Variants in AHNAK2 observed in about 807,000 individuals in gnomAD.
The protein encoded by AHNAK2 is protein AHNAK2.
In AHNAK2, 18 loss-of-function variants were observed where a neutral mutation model predicts 30.7. The observed-to-expected ratio is 0.59, with a 90% confidence interval of 0.41 to 0.87. The LOEUF is 0.87. Among genes scored for constraint, AHNAK2 ranks in the 40% least tolerant of loss-of-function variants. The pLI is 0.00. For synonymous variants in AHNAK2, 3,590 were observed against 3,073.8 expected (o/e 1.17, Z -5.56); for missense variants, 8,604 against 7,373.0 (o/e 1.17, Z -6.11).
Position 104,943,323 on chromosome 14 carries a change from T to G in AHNAK2, c.12128A>C (p.Glu4043Ala), listed in dbSNP as rs1490021292. ...DVKLPEGPVP[E>A]GASLKGHLPK... The stretch of plus-strand genomic sequence containing the variant: ...CAGGTGCCCTTTGAGGCTGGCTCCC[T>G]CGGGCACGGGGCCCTCTGGGAGTTT... Residue 4043 changes from glutamate to alanine, a missense_variant, in exon 7 of 7, where the codon GAG becomes GCG. Glu to Ala is a moderately radical substitution (Grantham distance 107). Transcript: ENST00000333244. The G allele has an allele frequency of 6.2e-7, 1 of 1,612,806 alleles. No homozygotes were observed. The highest frequency in any genetic ancestry group is 1.3e-5 in the African/African-American group (1 of 74,790).
chr14:104,977,484 T>G (rs774189111), intron 1 of AHNAK2, among the ~76,000 whole-genome samples: 2 of 152,190 alleles, frequency 1.3e-5, no homozygotes, highest in Non-Finnish European at 2.9e-5. Flanking sequence ...CCACTTTCCC[T>G]TGCCCAGCAC....
At chr14:104,972,896 G>A (rs1326719445) in intron 1 of AHNAK2, among the ~76,000 whole-genome samples, 2 of 152,252 alleles carry the variant, frequency 1.3e-5, no homozygotes, top group Non-Finnish European at 2.9e-5. Context: ...CAAGGGATGG[G>A]GTCAGGCTGG....
Position 104,951,764 on chromosome 14 carries a change from C to T in AHNAK2, c.3687G>A (p.Val1229=), listed in dbSNP as rs1898727028. 7.6e-7 allele frequency: 1 copy of T among 1,311,868 alleles called. No homozygotes were observed. The highest frequency in any genetic ancestry group is 2.2e-5 in the East Asian group (1 of 44,512). 81.3% of individuals were successfully genotyped at this position (1,311,868 alleles called of 1,614,324 possible). Residue 1229 remains valine, a synonymous_variant, in exon 7 of 7, where the codon GTG becomes GTA. Transcript: ENST00000333244. ...CAGGCACGTGGCCCTCCAGGAGCTT[C>T]ACGTCCACCTGGCCAGCGTGGACCT... ...DLEVHAGQVD[V]KLLEGHVPEG... is the part of the protein sequence containing the mutation.
In AHNAK2 at chr14:104,943,284, A is replaced by G; in HGVS notation, c.12167T>C (p.Met4056Thr). The change falls in exon 7 of 7, where the codon ATG becomes ACG. Residue 4056 changes from methionine to threonine, a missense_variant. Coordinates refer to ENST00000333244, the MANE Select transcript of AHNAK2 (RefSeq NM_138420.4). ...SLKGHLPKVQ[M>T]PSFKMPKVDL... ...CACTTTGGGCATCTTGAAACTGGGC[A>G]TCTGCACCTTGGGCAGGTGCCCTTT... 7 of 1,612,150 alleles carry G rather than the reference A, an allele frequency of 4.3e-6. No homozygotes were observed. The highest frequency in any genetic ancestry group is 5.9e-6 in the Non-Finnish European group (7 of 1,179,352).
At chr14:104,969,193 G>T (rs939894239) in intron 1 of AHNAK2, among the ~76,000 whole-genome samples, 2 of 152,168 alleles carry the variant, frequency 1.3e-5, no homozygotes, top group Non-Finnish European at 2.9e-5. Flanking sequence ...CAGTCCCCTA[G>T]ACCTGGGAGC....
At chr14:104,959,430 A>T (rs1435472347) in intron 1 of AHNAK2, among the ~76,000 whole-genome samples, 1 of 152,178 alleles carries the variant, frequency 6.6e-6, no homozygotes, top group Non-Finnish European at 1.5e-5. Context: ...TCAGCCTCCC[A>T]AAGTGCTGGG....
rs1898850106 is a variant in AHNAK2 at position 104,953,230 on chromosome 14, C to G, written c.2221G>C (p.Val741Leu). The G allele has an allele frequency of 2.5e-6, 4 of 1,613,140 alleles. No homozygotes were observed. ...GGCAGGGGGCCCTCCGGAAGTTTCACATCCACTTGGCCATCCTGGACCTCC... is the reference window on the plus strand; with the variant it reads ...GGCAGGGGGCCCTCCGGAAGTTTCAGATCCACTTGGCCATCCTGGACCTCC... ...DLEVQDGQVDVKLPEGPLPEG... is the reference protein window; with the variant it reads ...DLEVQDGQVDLKLPEGPLPEG... Residue 741 changes from valine (V) to leucine (L), a missense_variant, in exon 7 of 7, where the codon GTG becomes CTG. By Grantham distance (32) the Val-to-Leu change is conservative. Coordinates refer to ENST00000333244, the MANE Select transcript of AHNAK2 (RefSeq NM_138420.4).
Position 104,941,688 on chromosome 14 carries a change from T to C in AHNAK2, c.13763A>G (p.Glu4588Gly), listed in dbSNP as rs754074042. 6.2e-7 allele frequency: 1 copy of C among 1,613,588 alleles called. No homozygotes were observed. Among genetic ancestry groups the C allele is most frequent in the South Asian group, 1.1e-5 (1 of 91,074 alleles). The change falls in exon 7 of 7, where the codon GAG becomes GGG. Residue 4588 changes from glutamate to glycine, a missense_variant. Physicochemically the swap from Glu to Gly is moderately conservative, Grantham distance 98. Transcript: ENST00000333244. ...PKAEVMAPDV[E>G]VSLPSVETDV... ...CGTCTCCACGCTGGGCAGAGACACC[T>C]CCACATCGGGGGCCATCACCTCTGC...
At position 104,943,934 on chromosome 14, in the gene AHNAK2, G is replaced by A; in HGVS notation, c.11517C>T (p.Leu3839=). The change falls in exon 7 of 7, where the codon CTC becomes CTT. Residue 3839 remains leucine, a synonymous_variant. Transcript: ENST00000333244. The part of the protein sequence containing the change: ...SAPKVEADVS[L]PSMQGDLKTT... The stretch of plus-strand genomic sequence containing the variant: ...TCTTGAGGTCCCCCTGCATGGAGGG[G>A]AGACTCACATCGGCCTCCACCTTGG... 1.9e-6 allele frequency: 3 copies of A among 1,613,160 alleles called. No homozygotes were observed. Among genetic ancestry groups the A allele is most frequent in the South Asian group, 1.1e-5 (1 of 91,052 alleles).
At position 104,939,807 on chromosome 14, in the gene AHNAK2, A is replaced by C. The variant is rs1342986885; in HGVS notation, c.15644T>G (p.Val5215Gly). The change falls in exon 7 of 7, where the codon GTG (valine) becomes GGG (glycine). Residue 5215 changes from valine (V) to glycine (G), a missense_variant. By Grantham distance (109) the Val-to-Gly change is moderately radical (BLOSUM62 -3). Coordinates refer to ENST00000333244, the MANE Select transcript of AHNAK2 (RefSeq NM_138420.4). Reference sequence around the variant, plus strand: ...TGCTGCCGGTGCCTGTGTCTGAGCCACTTCCAGCTTTCCAGCCCCGCCTCT... The same window carrying C: ...TGCTGCCGGTGCCTGTGTCTGAGCCCCTTCCAGCTTTCCAGCCCCGCCTCT... ...RDRGGAGKLE[V>G]AQTQAPAATG... 6.2e-7 allele frequency: 1 copy of C among 1,613,524 alleles called. No individual in the cohort carries two copies. Among genetic ancestry groups the C allele is most frequent in the Non-Finnish European group, 8.5e-7 (1 of 1,179,856 alleles).
Position 104,954,829 on chromosome 14 carries a change from T to C in AHNAK2, c.652-30A>G. On this transcript the variant is annotated intron_variant, in intron 6 of 6. Transcript: ENST00000333244. The surrounding 1 kb of genome is among the most constrained non-coding windows in gnomAD (Gnocchi z 4.3). The stretch of plus-strand genomic sequence containing the variant: ...AACATAGGGAGAGGGAATCTGTTGG[T>C]GCCAGTCCAAGAAGCCTGGGGCCCT... 1.9e-6 allele frequency: 3 copies of C among 1,543,022 alleles called. No individual in the cohort carries two copies. Among genetic ancestry groups the C allele is most frequent in the Non-Finnish European group, 2.6e-6 (3 of 1,147,512 alleles).
chr14:104,939,391 G>C lies in AHNAK2; in HGVS notation c.16060C>G (p.Pro5354Ala). 1 of 1,613,700 alleles carries C rather than the reference G, an allele frequency of 6.2e-7. No homozygotes were observed. Among genetic ancestry groups the C allele is most frequent in the Non-Finnish European group, 8.5e-7 (1 of 1,179,890 alleles). Reference protein sequence around the residue: ...TEKWSSQPEGPLKLKASSTDM... With the variant: ...TEKWSSQPEGALKLKASSTDM... ...GTACTTGAAGCTTTCAATTTAAGTG[G>C]ACCTTCAGGCTGGGAAGACCATTTC... Residue 5354 changes from proline (P) to alanine (A), a missense_variant, in exon 7 of 7, where the codon CCA (proline) becomes GCA (alanine). Transcript: ENST00000333244.
chr14:104,977,426 CAG>C (rs1448609682), intron 1 of AHNAK2, among the ~76,000 whole-genome samples: 1 of 152,158 alleles, frequency 6.6e-6, no homozygotes, highest in Non-Finnish European at 1.5e-5. Flanking sequence ...GCCTGCGGCT[CAG>C]AGGGAGGCTA....
chr14:104,947,449 C>T lies in AHNAK2; in HGVS notation c.8002G>A (p.Glu2668Lys), dbSNP rs371798547. The T allele has an allele frequency of 2.4e-5, 39 of 1,612,466 alleles. No individual in the cohort carries two copies. Among genetic ancestry groups the T allele is most frequent in the South Asian group, 1.8e-4 (16 of 91,016 alleles). Residue 2668 changes from glutamate (E) to lysine (K), a missense_variant, in exon 7 of 7, where the codon GAG becomes AAG. Coordinates refer to ENST00000333244, the MANE Select transcript of AHNAK2 (RefSeq NM_138420.4). The stretch of plus-strand genomic sequence containing the variant: ...AGCTCAGACACATCCACCAACGCCT[C>T]GATGGACTCGCCTGGGGCCGACACC... ...FRVSAPGESI[E>K]ALVDVSELKV...
rs1433501177 is a variant in AHNAK2, at chr14:104,952,881, T to C, written c.2570A>G (p.Asp857Gly). Residue 857 changes from aspartate (D) to glycine (G), a missense_variant, in exon 7 of 7, where the codon GAT becomes GGT. Physicochemically the swap from Asp to Gly is moderately conservative, Grantham distance 94. Transcript: ENST00000333244. ...APGKSMEDSV[D>G]VSAPKVEADV... ...GGCCTCCACCTTCGGCGCAGACACATCCACCGAGTCCTCCATGGACTTGCC... is the reference window on the plus strand; with the variant it reads ...GGCCTCCACCTTCGGCGCAGACACACCCACCGAGTCCTCCATGGACTTGCC... The C allele has an allele frequency of 1.2e-6, 2 of 1,611,476 alleles. No homozygotes were observed. Among genetic ancestry groups the C allele is most frequent in the Admixed American group, 1.7e-5 (1 of 59,846 alleles).
rs1266334508 is a variant in AHNAK2 at position 104,953,271 on chromosome 14, G to A, written c.2180C>T (p.Thr727Ile). The change falls in exon 7 of 7, where the codon ACC becomes ATC. Residue 727 changes from threonine (T) to isoleucine (I), a missense_variant. Transcript: ENST00000333244. ...DLKTTDLSVQ[T>I]PSADLEVQDG... ...CTGGACCTCCAGGTCAGCGGAAGGG[G>A]TCTGGACGCTGAGGTCAGTGGTCTT... is the stretch of plus-strand genomic sequence containing the variant. 1.9e-6 allele frequency: 3 copies of A among 1,612,892 alleles called. No homozygotes were observed. The highest frequency in any genetic ancestry group is 1.1e-5 in the South Asian group (1 of 91,042).
Position 104,947,550 on chromosome 14 carries a change from A to C in AHNAK2, c.7901T>G (p.Leu2634Arg). Residue 2634 changes from leucine (L) to arginine (R), a missense_variant, in exon 7 of 7, where the codon CTG becomes CGG. Leu to Arg is a moderately radical substitution (Grantham distance 102, BLOSUM62 -2). Transcript: ENST00000333244. The part of the protein sequence containing the change: ...KLDGARLEGD[L>R]SLADKGVTAK... Reference sequence around the variant, plus strand: ...TGTCACACCCTTGTCGGCCAGGGACAGGTCCCCCTCCAGCCGCGCACCATC... The same window carrying C: ...TGTCACACCCTTGTCGGCCAGGGACCGGTCCCCCTCCAGCCGCGCACCATC... The C allele has an allele frequency of 3.1e-6, 5 of 1,612,688 alleles. No homozygotes were observed. Among genetic ancestry groups the C allele is most frequent in the Non-Finnish European group, 4.2e-6 (5 of 1,179,612 alleles).
Position 104,947,599 on chromosome 14 carries a change from C to T in AHNAK2, c.7852G>A (p.Val2618Ile), listed in dbSNP as rs199877699. ...EMSLSSMEVDVQAPRAKLDGA... is the reference protein window; with the variant it reads ...EMSLSSMEVDIQAPRAKLDGA... Reference sequence around the variant, plus strand: ...TCCAGCTTTGCTCTCGGGGCCTGGACGTCCACCTCCATGCTGGACAGAGAC... The same window carrying T: ...TCCAGCTTTGCTCTCGGGGCCTGGATGTCCACCTCCATGCTGGACAGAGAC... Residue 2618 changes from valine to isoleucine, a missense_variant, in exon 7 of 7, where the codon GTC becomes ATC. Physicochemically the swap from Val to Ile is conservative, Grantham distance 29. Coordinates refer to ENST00000333244, the MANE Select transcript of AHNAK2 (RefSeq NM_138420.4). 73 of 1,612,996 alleles carry T rather than the reference C, an allele frequency of 4.5e-5. 1 individual carries two copies. The highest frequency in any genetic ancestry group is 3.7e-4 in the Admixed American group (22 of 59,942).
chr14:104,947,755 G>A lies in AHNAK2; in HGVS notation c.7696C>T (p.Leu2566=), dbSNP rs187958802. Reference sequence around the variant, plus strand: ...AAACTGGGCATCTGCACCTTGGGCAGGTGCCCTTTGAGGCCGGCTCCCTCC... The same window carrying A: ...AAACTGGGCATCTGCACCTTGGGCAAGTGCCCTTTGAGGCCGGCTCCCTCC... ...VPEGAGLKGH[L]PKVQMPSFKM... Residue 2566 remains leucine, a synonymous_variant, in exon 7 of 7, where the codon CTG becomes TTG. Transcript: ENST00000333244. 7 of 1,612,848 alleles carry A rather than the reference G, an allele frequency of 4.3e-6. No individual in the cohort carries two copies. In the Admixed American group the frequency reaches 6.7e-5, roughly 15 times the overall value.
Sources: gnomAD v4.1 joint callset for allele counts (sites outside exome capture counted in the v4.1 genomes callset) on GRCh38, gnomAD v4.1.1 for gene constraint, Gnocchi (gnomAD v3.1) non-coding constraint, MANE v1.5 for transcripts, NCBI Gene and HGNC (gene_info 2026-07-23, HGNC 2026-07-21) for gene names.